Variants in MCC observed in about 807,000 individuals in gnomAD.
The protein encoded by MCC is colorectal mutant cancer protein.
A neutral mutation model predicts 116.2 loss-of-function variants in MCC; 90 were observed. The observed-to-expected ratio is 0.77, with a 90% CI of 0.65 to 0.92. The LOEUF (loss-of-function observed/expected upper bound fraction) is 0.92, where lower values mean the gene tolerates loss of function less well. Among genes scored for constraint, MCC ranks in the 40% least tolerant of loss-of-function variants. MCC has a pLI of 0.00. For missense variants in MCC, 1,516 were observed against 1,312.2 expected, an observed-to-expected ratio of 1.16 and a Z score of -2.40; for synonymous variants, 578 against 510.5, an observed-to-expected ratio of 1.13 and a Z score of -1.78.
At chr5:113,225,257 C>A (rs192405374) in intron 3 of MCC, among the ~76,000 whole-genome samples, 2 of 152,162 alleles carry the variant, frequency 1.3e-5, no homozygotes, top group African/African-American at 4.8e-5. Flanking sequence ...ATTTTATTGA[C>A]GAATTTTCTT....
intron 3 of MCC, among the ~76,000 whole-genome samples, chr5:113,277,934 G>T (rs953226935): frequency 5.9e-5 from 9 of 152,150 alleles, no homozygotes; most frequent in Non-Finnish European, 7.3e-5. Context: ...ATGACCAGCA[G>T]GCATCTCAAA....
intron 5 of MCC, among the ~76,000 whole-genome samples, chr5:113,123,651 C>T (rs1215122112): frequency 2.0e-5 from 3 of 152,156 alleles, no homozygotes; most frequent in East Asian, 1.9e-4. Context: ...TTTCAGAGCA[C>T]GTGTACTGTC....
At chr5:113,322,808 A>G (rs543578952) in intron 3 of MCC, among the ~76,000 whole-genome samples, 1 of 152,338 alleles carries the variant, frequency 6.6e-6, no homozygotes, top group East Asian at 1.9e-4. Flanking sequence ...TAATAGTTAG[A>G]AAACTAAGTG....
chr5:113,031,900 G>T (rs1471989697), intron 17 of MCC, among the ~76,000 whole-genome samples: 2 of 152,166 alleles, frequency 1.3e-5, no homozygotes. Flanking sequence ...GCGCAGGAGT[G>T]GGGAGTAGCC....
At chr5:113,178,936 A>G (rs1473416376) in intron 3 of MCC, among the ~76,000 whole-genome samples, 1 of 151,016 alleles carries the variant, frequency 6.6e-6, no homozygotes, top group Non-Finnish European at 1.5e-5. Flanking sequence ...TAATATTTAC[A>G]CATACTCTAA....
At chr5:113,316,629 G>T (rs1487777900) in intron 3 of MCC, among the ~76,000 whole-genome samples, 3 of 152,100 alleles carry the variant, frequency 2.0e-5, no homozygotes, top group Non-Finnish European at 2.9e-5. Flanking sequence ...TCTGAAAAAT[G>T]AATGAATGAA....
intron 2 of MCC, among the ~76,000 whole-genome samples, chr5:113,368,440 A>G (rs1472996537): frequency 1.3e-5 from 2 of 152,126 alleles, no homozygotes; most frequent in Non-Finnish European, 2.9e-5. Context: ...TACTCTTTCT[A>G]GAATGCCTAT....
chr5:113,453,358 T>C (rs896034583), intron 1 of MCC, among the ~76,000 whole-genome samples: 2 of 152,026 alleles, frequency 1.3e-5, no homozygotes, highest in Non-Finnish European at 2.9e-5. Context: ...GTAGAACAGC[T>C]TTTTTAAACA....
intron 1 of MCC, among the ~76,000 whole-genome samples, chr5:113,460,584 A>G (rs1442612517): frequency 6.6e-6 from 1 of 152,214 alleles, no homozygotes. Flanking sequence ...CAGATTGCTC[A>G]GGGCTCCCCT....
intron 1 of MCC, among the ~76,000 whole-genome samples, chr5:113,429,490 TA>T (rs1454850513): frequency 6.6e-6 from 1 of 152,182 alleles, no homozygotes; most frequent in African/African-American, 2.4e-5. Flanking sequence ...CTGACTAAGA[TA>T]GGGGGTGAAG....
At chr5:113,166,519 G>T (rs1156464608) in intron 3 of MCC, among the ~76,000 whole-genome samples, 2 of 151,856 alleles carry the variant, frequency 1.3e-5, no homozygotes, top group Non-Finnish European at 2.9e-5. Flanking sequence ...GAACAGCGTG[G>T]GTGATAATAC....
chr5:113,140,270 C>T (rs6887809), intron 5 of MCC, among the ~76,000 whole-genome samples: 151,418 of 152,290 alleles, frequency 0.99, 75,280 homozygotes, highest in Middle Eastern at 1. Context: ...GAAATAGTTA[C>T]AGAGTCTCCA....
chr5:113,421,516 G>T (rs775961215), intron 1 of MCC, among the ~76,000 whole-genome samples: 135 of 152,148 alleles, frequency 8.9e-4, no homozygotes, highest in Non-Finnish European at 1.8e-3. Context: ...GACTTTCCTA[G>T]GCAGTACGAT....
intron 3 of MCC, among the ~76,000 whole-genome samples, chr5:113,240,756 G>C (rs924379142): frequency 2.6e-5 from 4 of 152,204 alleles, no homozygotes; most frequent in African/African-American, 7.2e-5. Context: ...ACCAGTTGCT[G>C]TTGAGGAGCA....
intron 2 of MCC, among the ~76,000 whole-genome samples, chr5:113,351,269 A>G (rs1314543653): frequency 6.6e-6 from 1 of 152,184 alleles, no homozygotes; most frequent in African/African-American, 2.4e-5. Context: ...ACAATAACCA[A>G]GGTTTACAAG....
rs1772542537 is a variant in MCC, at chr5:113,486,774, G to A, written c.170+1471C>T. ...AGGAGAATCTCTTGAACCAGGAGGC[G>A]GAGGTTGCAGTGAGCCAAGACCACG... On this transcript the variant is annotated intron_variant, in intron 1 of 18. Coordinates refer to ENST00000408903, the MANE Select transcript of MCC (RefSeq NM_001085377.2). Among the ~76,000 whole-genome samples, 5 of 151,808 alleles carry A rather than the reference G, an allele frequency of 3.3e-5. No homozygotes were observed. In the South Asian group the frequency reaches 1.0e-3, roughly 32 times the overall value.
intron 2 of MCC, among the ~76,000 whole-genome samples, chr5:113,342,234 T>A (rs1027147831): frequency 1.3e-5 from 2 of 152,192 alleles, no homozygotes; most frequent in Non-Finnish European, 2.9e-5. Context: ...TTTATCCAGT[T>A]ATTGATTGAT....
intron 1 of MCC, among the ~76,000 whole-genome samples, chr5:113,487,845 G>A (rs1037888445): frequency 1.3e-5 from 2 of 152,226 alleles, no homozygotes; most frequent in Non-Finnish European, 2.9e-5. Context: ...AAGCCGCCGG[G>A]CAGATCGCTG....
intron 1 of MCC, chr5:113,433,643 G>C (rs769614793): frequency 5.3e-5 from 76 of 1,426,068 alleles, no homozygotes; most frequent in Non-Finnish European, 7.2e-5. Context: ...GGCTCATCTG[G>C]GACTGCCTTC....
Sources: gnomAD v4.1 joint callset for allele counts (sites outside exome capture counted in the v4.1 genomes callset) on GRCh38, gnomAD v4.1.1 for gene constraint, MANE v1.5 for transcripts, NCBI Gene and HGNC (gene_info 2026-07-23, HGNC 2026-07-21) for gene names.